The following COL24A1 variants were observed in gnomAD, a reference collection of about 807,000 sequenced individuals.
COL24A1 encodes the protein collagen alpha-1(XXIV) chain.
COL24A1 carries 224 observed loss-of-function variants against 253.9 expected under a neutral mutation model. The observed-to-expected ratio is 0.88, with a 90% CI of 0.79 to 0.99. The LOEUF is 0.99. Ranked by LOEUF, COL24A1 falls within the 50% of genes least tolerant of loss-of-function variation. The pLI, the probability that COL24A1 is intolerant of heterozygous loss-of-function variation, is 0.00. For synonymous variants in COL24A1, 685 were observed against 673.7 expected, an observed-to-expected ratio of 1.02 and a Z score of -0.26; for missense variants, 2,131 against 2,068.5, an observed-to-expected ratio of 1.03 and a Z score of -0.59.
intron 6 of COL24A1, among the ~76,000 whole-genome samples, chr1:86,092,030 G>A (rs1473411207): frequency 6.6e-6 from 1 of 152,052 alleles, no homozygotes; most frequent in Non-Finnish European, 1.5e-5. Flanking sequence ...AGATAGTACA[G>A]TGGCAGGCCA....
rs184460606 is a variant in COL24A1, at chr1:85,741,470, T to C, written c.4672+3196A>G. Among the ~76,000 whole-genome samples, 116 of 152,352 alleles carry C rather than the reference T, an allele frequency of 7.6e-4. 1 individual carries two copies. Among genetic ancestry groups the C allele is most frequent in the African/African-American group, 2.7e-3 (113 of 41,588 alleles). On this transcript the variant is annotated intron_variant, in intron 57 of 59. Transcript: ENST00000370571. ...TTTGGGATTTTCTGAGCTATCCAGA[T>C]GATGTGAAGCAAAGCTACAGTCTGT...
intron 12 of COL24A1, among the ~76,000 whole-genome samples, chr1:86,044,710 C>T (rs753286345): frequency 7.9e-5 from 12 of 152,054 alleles, no homozygotes; most frequent in South Asian, 4.1e-4. Context: ...TCATAATTCC[C>T]TATGGATTAC....
At chr1:86,042,886 A>G (rs186842776) in intron 12 of COL24A1, among the ~76,000 whole-genome samples, 1 of 152,266 alleles carries the variant, frequency 6.6e-6, no homozygotes, top group Admixed American at 6.5e-5. Context: ...TAATATAAGT[A>G]CTATTTTTGC....
chr1:86,136,992 C>CAA (rs11423442), intron 2 of COL24A1, among the ~76,000 whole-genome samples: 4,041 of 151,636 alleles, frequency 0.027, 82 homozygotes, highest in Middle Eastern at 0.085. Context: ...GAACTGCAGA[C>CAA]AAAAAAAATG....
At position 86,119,600 on chromosome 1, in the gene COL24A1, G is replaced by A. The variant is rs117940191; in HGVS notation, c.1492-4222C>T. On this transcript the variant is annotated intron_variant, in intron 3 of 59. Transcript: ENST00000370571. ...AACAAATTGTGCATGAACATGAGACGACACATGCCTCTGGGTAGAAGACAA... is the reference window on the plus strand; with the variant it reads ...AACAAATTGTGCATGAACATGAGACAACACATGCCTCTGGGTAGAAGACAA... 5.2e-3 allele frequency among the ~76,000 whole-genome samples: 791 copies of A among 152,188 alleles called. 13 individuals carry two copies. In the East Asian group the frequency reaches 0.065, roughly 12 times the overall value.
Position 85,935,692 on chromosome 1 carries a change from A to G in COL24A1, c.2563-24259T>C, listed in dbSNP as rs1427072798. On this transcript the variant is annotated intron_variant, in intron 24 of 59. Coordinates refer to ENST00000370571, the MANE Select transcript of COL24A1 (RefSeq NM_152890.7). ...GTAGGCATAAGGGATACAGTATCAG[A>G]CTGAAGTCATCTGAAGGCTTGACTG... 1.8e-4 allele frequency among the ~76,000 whole-genome samples: 26 copies of G among 147,048 alleles called. 2 individuals are homozygous for G. The Admixed American group carries it at 1.8e-3, about 10-fold the overall frequency.
intron 20 of COL24A1, 28 bp from the exon 21 acceptor site, chr1:85,971,421 T>A: frequency 6.5e-7 from 1 of 1,533,724 alleles, no homozygotes; most frequent in Non-Finnish European, 9.0e-7. Flanking sequence ...ATGCACACAA[T>A]AGAAATTTTA....
intron 52 of COL24A1, among the ~76,000 whole-genome samples, chr1:85,776,638 A>G (rs1668574757): frequency 6.6e-6 from 1 of 151,138 alleles, no homozygotes; most frequent in African/African-American, 2.4e-5. Context: ...ATACTATGAT[A>G]ATATTTTAAA....
intron 7 of COL24A1, among the ~76,000 whole-genome samples, chr1:86,084,735 T>C (rs1264640304): frequency 2.6e-5 from 4 of 152,210 alleles, no homozygotes; most frequent in African/African-American, 4.8e-5. Context: ...GGAAATATCT[T>C]TGGACACAGG....
intron 5 of COL24A1, among the ~76,000 whole-genome samples, chr1:86,110,080 T>C (rs1705393038): frequency 6.6e-6 from 1 of 152,142 alleles, no homozygotes; most frequent in South Asian, 2.1e-4. Context: ...ACTCAGTTTA[T>C]GGTATTTTGT....
At chr1:86,105,638 G>T (rs760456698) in intron 5 of COL24A1, among the ~76,000 whole-genome samples, 7 of 130,204 alleles carry the variant, frequency 5.4e-5, no homozygotes, top group Admixed American at 4.2e-4. Context: ...AGCCTAGGGG[G>T]ATTGGCATTC....
chr1:86,026,219 T>C (rs1698010768), intron 14 of COL24A1, among the ~76,000 whole-genome samples: 1 of 152,144 alleles, frequency 6.6e-6, no homozygotes, highest in Non-Finnish European at 1.5e-5. Flanking sequence ...GAGGAGCAAA[T>C]AAGATATGTA....
At chr1:85,816,656 A>G (rs1673071261) in intron 47 of COL24A1, 132 bp downstream of exon 47, 1 of 699,010 alleles carries the variant, frequency 1.4e-6, no homozygotes, top group East Asian at 2.5e-5. Flanking sequence ...ACTGCATAAT[A>G]GCTATTAGAG....
chr1:86,091,275 T>TA (rs1703473309), intron 6 of COL24A1, among the ~76,000 whole-genome samples: 1 of 151,984 alleles, frequency 6.6e-6, no homozygotes, highest in Non-Finnish European at 1.5e-5. Context: ...TGTATACCAG[T>TA]AAAAAATTTA....
chr1:85,907,673 G>GT (rs933403155), intron 27 of COL24A1, among the ~76,000 whole-genome samples: 22 of 151,700 alleles, frequency 1.5e-4, no homozygotes, highest in South Asian at 6.2e-4. Flanking sequence ...CATAAAAATA[G>GT]TTTTTTTGTT....
intron 19 of COL24A1, among the ~76,000 whole-genome samples, chr1:86,002,419 T>C (rs1397891290): frequency 6.6e-6 from 1 of 152,222 alleles, no homozygotes; most frequent in Non-Finnish European, 1.5e-5. Flanking sequence ...TTCCCATAAA[T>C]GGTATATAGT....
intron 24 of COL24A1, among the ~76,000 whole-genome samples, chr1:85,926,202 T>C (rs1337031752): frequency 2.0e-5 from 3 of 152,016 alleles, no homozygotes; most frequent in East Asian, 1.9e-4. Context: ...TGTGGAAAAA[T>C]AGGAACGCTT....
At chr1:85,964,637 T>C (rs1471188195) in intron 23 of COL24A1, among the ~76,000 whole-genome samples, 1 of 152,178 alleles carries the variant, frequency 6.6e-6, no homozygotes, top group East Asian at 1.9e-4. Context: ...TCATAAATGT[T>C]CCAAAATCTG....
chr1:85,944,647 T>G (rs1240015910), intron 24 of COL24A1, among the ~76,000 whole-genome samples: 2 of 152,048 alleles, frequency 1.3e-5, no homozygotes, highest in Non-Finnish European at 2.9e-5. Context: ...GTGCACAATG[T>G]GCAGGTTAGT....
Sources: gnomAD v4.1 joint callset for allele counts (sites outside exome capture counted in the v4.1 genomes callset) on GRCh38, gnomAD v4.1.1 for gene constraint, MANE v1.5 for transcripts, NCBI Gene and HGNC (gene_info 2026-07-23, HGNC 2026-07-21) for gene names.